The following FAT3 variants were observed in gnomAD, a reference collection of about 807,000 sequenced individuals.
The protein encoded by FAT3 is FAT atypical cadherin 3, also known as protocadherin Fat 3.
A neutral mutation model predicts 310.2 loss-of-function variants in FAT3; 95 were observed. That is an observed-to-expected ratio of 0.31 (90% CI 0.26 to 0.36). The LOEUF is 0.36. FAT3 is among the 10% of genes least tolerant of loss of function. FAT3 has a pLI of 1.00. For missense variants in FAT3, 5,408 were observed against 5,715.6 expected (o/e 0.95, Z 1.74); for synonymous variants, 2,314 against 2,192.9 (o/e 1.06, Z -1.54).
intron 3 of FAT3, among the ~76,000 whole-genome samples, chr11:92,577,997 CACTT>C (rs1938579319): frequency 6.6e-6 from 1 of 151,998 alleles, no homozygotes; most frequent in Non-Finnish European, 1.5e-5. Context: ...AAAAGTGAAT[CACTT>C]ACAACTGATA....
intron 2 of FAT3, among the ~76,000 whole-genome samples, chr11:92,437,683 A>G (rs11019958): frequency 1.3e-5 from 2 of 152,202 alleles, no homozygotes; most frequent in Admixed American, 1.3e-4. Flanking sequence ...GAAGAGACAG[A>G]GGCAGAGAAT....
At chr11:92,712,477 A>G (rs1352908286) in intron 4 of FAT3, among the ~76,000 whole-genome samples, 1 of 152,202 alleles carries the variant, frequency 6.6e-6, no homozygotes, top group Non-Finnish European at 1.5e-5. Flanking sequence ...TAATTCATGA[A>G]TATGAGTCTG....
At chr11:92,634,828 G>A (rs1348062239) in intron 3 of FAT3, among the ~76,000 whole-genome samples, 5 of 152,172 alleles carry the variant, frequency 3.3e-5, no homozygotes, top group Admixed American at 2.0e-4. Flanking sequence ...TGGAGAAGGA[G>A]CCTCTAAGGA....
At chr11:92,228,418 A>G (rs560599640) in intron 1 of FAT3, among the ~76,000 whole-genome samples, 1 of 152,152 alleles carries the variant, frequency 6.6e-6, no homozygotes, top group African/African-American at 2.4e-5. Flanking sequence ...ATACCCACTG[A>G]CCTGTATGCT....
chr11:92,775,971 C>T (rs1367490367), intron 7 of FAT3, among the ~76,000 whole-genome samples: 1 of 152,122 alleles, frequency 6.6e-6, no homozygotes, highest in Non-Finnish European at 1.5e-5. Flanking sequence ...AAGCGCACCC[C>T]CAAAGACTAA....
intron 1 of FAT3, among the ~76,000 whole-genome samples, chr11:92,294,514 T>C (rs894281499): frequency 1.3e-5 from 2 of 151,930 alleles, no homozygotes; most frequent in Non-Finnish European, 2.9e-5. Context: ...TGGACCTATG[T>C]AGGACAAGCT....
At chr11:92,754,095 G>GT (rs1945906008) in intron 4 of FAT3, among the ~76,000 whole-genome samples, 1 of 151,802 alleles carries the variant, frequency 6.6e-6, no homozygotes, top group African/African-American at 2.4e-5. Flanking sequence ...ACTTAATCAT[G>GT]TAGCCAAATA....
chr11:92,887,999 TC>T (rs1245104706), intron 25 of FAT3, among the ~76,000 whole-genome samples: 13 of 152,320 alleles, frequency 8.5e-5, no homozygotes, highest in African/African-American at 2.6e-4. Flanking sequence ...AATCTATAAA[TC>T]CTTGCTGAAT....
rs540312070 is a variant in FAT3, at chr11:92,632,976, T to C, written c.3608-64408T>C. 2.0e-5 allele frequency among the ~76,000 whole-genome samples: 3 copies of C among 152,336 alleles called. No homozygotes were observed. In the South Asian group the frequency reaches 6.2e-4, roughly 32 times the overall value. ...CCCCTGATCCTTGTTCTCATCACAG[T>C]TCTCCTTATTTTGTACCTGCTACCT... On this transcript the variant is annotated intron_variant, in intron 3 of 27. Coordinates refer to ENST00000525166, the MANE Select transcript of FAT3 (RefSeq NM_001367949.2).
At chr11:92,412,571 T>G (rs1186042884) in intron 2 of FAT3, among the ~76,000 whole-genome samples, 2 of 148,174 alleles carry the variant, frequency 1.3e-5, no homozygotes, top group Admixed American at 1.4e-4. Context: ...CCATAACTAT[T>G]ATGATTCCCA....
intron 17 of FAT3, among the ~76,000 whole-genome samples, chr11:92,838,897 T>G (rs1225010002): frequency 6.6e-6 from 1 of 152,132 alleles, no homozygotes; most frequent in Admixed American, 6.6e-5. Context: ...TCTGATTCCT[T>G]CCCTGGTGGT....
At chr11:92,690,527 A>G (rs1943771018) in intron 3 of FAT3, among the ~76,000 whole-genome samples, 1 of 152,142 alleles carries the variant, frequency 6.6e-6, no homozygotes, top group Non-Finnish European at 1.5e-5. Flanking sequence ...AGTTTCCAGA[A>G]TCCTTTTTTT....
chr11:92,304,966 A>C, intron 1 of FAT3, among the ~76,000 whole-genome samples: 1 of 152,190 alleles, frequency 6.6e-6, no homozygotes, highest in Non-Finnish European at 1.5e-5. Context: ...GACCAGAACA[A>C]GGACATAAAT....
chr11:92,810,988 T>C (rs1260959621), intron 13 of FAT3, among the ~76,000 whole-genome samples: 2 of 152,178 alleles, frequency 1.3e-5, no homozygotes, highest in Non-Finnish European at 2.9e-5. Context: ...GAAAAGTAAA[T>C]ACATGATAAT....
At chr11:92,251,521 A>G (rs1865140472) in intron 1 of FAT3, among the ~76,000 whole-genome samples, 2 of 152,168 alleles carry the variant, frequency 1.3e-5, no homozygotes, top group South Asian at 4.1e-4. Context: ...AGATTTTTCT[A>G]CAACCAGTTA....
At chr11:92,255,471 A>G (rs1160413266) in intron 1 of FAT3, among the ~76,000 whole-genome samples, 3 of 152,162 alleles carry the variant, frequency 2.0e-5, no homozygotes, top group Admixed American at 1.3e-4. Context: ...TCACTACATA[A>G]AAGCATATTA....
intron 3 of FAT3, among the ~76,000 whole-genome samples, chr11:92,677,123 T>A (rs1943311511): frequency 6.6e-6 from 1 of 152,232 alleles, no homozygotes; most frequent in Non-Finnish European, 1.5e-5. Flanking sequence ...TTGCATAAGA[T>A]CATAAATTAT....
chr11:92,446,233 A>G (rs1951204437), intron 2 of FAT3, among the ~76,000 whole-genome samples: 1 of 152,216 alleles, frequency 6.6e-6, no homozygotes, highest in Admixed American at 6.5e-5. Context: ...TACATGCACA[A>G]TCACAAAATA....
intron 1 of FAT3, among the ~76,000 whole-genome samples, chr11:92,299,416 G>A (rs1946933314): frequency 6.6e-6 from 1 of 152,118 alleles, no homozygotes; most frequent in Non-Finnish European, 1.5e-5. Context: ...AATAGGTGCA[G>A]TAAAGACAAA....
Sources: gnomAD v4.1 joint callset for allele counts (sites outside exome capture counted in the v4.1 genomes callset) on GRCh38, gnomAD v4.1.1 for gene constraint, MANE v1.5 for transcripts, NCBI Gene and HGNC (gene_info 2026-07-23, HGNC 2026-07-21) for gene names.